The following LRCH1 variants were observed in gnomAD, a reference collection of about 807,000 sequenced individuals.
LRCH1 encodes the protein leucine-rich repeat and calponin homology domain-containing protein 1.
In LRCH1, 23 loss-of-function variants were observed where a neutral mutation model predicts 94.9. That is an observed-to-expected ratio of 0.24 (90% CI 0.17 to 0.34). The LOEUF (loss-of-function observed/expected upper bound fraction) is 0.34, where lower values mean the gene tolerates loss of function less well. Ranked by LOEUF, LRCH1 falls within the 10% of genes least tolerant of loss-of-function variation. The pLI is 1.00. For missense variants in LRCH1, 790 were observed against 945.9 expected, an observed-to-expected ratio of 0.84 and a Z score of 2.16; for synonymous variants, 364 against 354.9, an observed-to-expected ratio of 1.03 and a Z score of -0.29.
Position 46,742,548 on chromosome 13 carries a change from C to T in LRCH1, c.*700C>T, listed in dbSNP as rs557821624. 3 of 985,546 alleles carry T rather than the reference C, an allele frequency of 3.0e-6. No homozygotes were observed. The highest frequency in any genetic ancestry group is 6.1e-5 in the Admixed American group (1 of 16,294). 61.1% of individuals were successfully genotyped at this position (985,546 alleles called of 1,614,324 possible). A position where few individuals can be genotyped will look rare whatever the true frequency, so the allele number is the denominator to read the frequency against. On this transcript the variant is annotated 3_prime_UTR_variant, in exon 20 of 20. Coordinates refer to ENST00000389797, the MANE Select transcript of LRCH1 (RefSeq NM_001164211.2). ...AAGGGCGCTCAAGGGAAGGAAGTGT[C>T]GTTGCTGTTAGAGCCTCACGTGGAG... is the stretch of plus-strand genomic sequence containing the variant.
At chr13:46,596,657 T>C (rs932864011) in intron 1 of LRCH1, among the ~76,000 whole-genome samples, 1 of 152,202 alleles carries the variant, frequency 6.6e-6, no homozygotes, top group Admixed American at 6.5e-5. Flanking sequence ...AAGGCATGAA[T>C]AGACAAAGGG....
At chr13:46,727,678 G>A (rs1872889103) in intron 17 of LRCH1, among the ~76,000 whole-genome samples, 2 of 152,232 alleles carry the variant, frequency 1.3e-5, no homozygotes, top group South Asian at 4.1e-4. Flanking sequence ...GGATCCTTGT[G>A]CTGGTGGGAA....
In LRCH1 at chr13:46,712,583, T is replaced by G. The variant is rs753153910; in HGVS notation, c.1640T>G (p.Leu547Arg). The change falls in exon 15 of 20, where the codon CTG becomes CGG. Residue 547 changes from leucine to arginine, a missense_variant. Physicochemically the swap from Leu to Arg is moderately radical, Grantham distance 102. Transcript: ENST00000389797. ...PTTNSTAPFGLKPRSDPALIL... is the reference protein window; with the variant it reads ...PTTNSTAPFGRKPRSDPALIL... The stretch of plus-strand genomic sequence containing the variant: ...ACAAACAGCACAGCTCCATTTGGCC[T>G]GAAGCCTCGATCAGGTAAATGAAAA... 1.2e-6 allele frequency: 2 copies of G among 1,613,854 alleles called. No homozygotes were observed. The highest frequency in any genetic ancestry group is 1.7e-6 in the Non-Finnish European group (2 of 1,179,748).
At position 46,744,258 on chromosome 13, in the gene LRCH1, A is replaced by C. The variant is rs941455801; in HGVS notation, c.*2410A>C. 21 of 985,082 alleles carry C rather than the reference A, an allele frequency of 2.1e-5. No individual in the cohort carries two copies. The highest frequency in any genetic ancestry group is 6.2e-5 in the Admixed American group (1 of 16,246). The allele number at this position is 985,082 out of a possible 1,614,324, so 61.0% of individuals were successfully genotyped here. A position where few individuals can be genotyped will look rare whatever the true frequency, so the allele number is the denominator to read the frequency against. ...AGTCAGGGATGTCACTGAGTGGTTT[A>C]TTGTGCTGACCAAATCTCCTCCTCA... On this transcript the variant is annotated 3_prime_UTR_variant, in exon 20 of 20. Transcript: ENST00000389797.
chr13:46,641,559 G>A (rs1330122414), intron 1 of LRCH1, among the ~76,000 whole-genome samples: 3 of 152,182 alleles, frequency 2.0e-5, no homozygotes. Flanking sequence ...GTCTTCCTCT[G>A]TGGAACTGGT....
chr13:46,655,118 TTGATAGTGATGG>T (rs145407561), intron 2 of LRCH1, among the ~76,000 whole-genome samples: 9,950 of 152,190 alleles, frequency 0.065, 418 homozygotes, highest in East Asian at 0.21. Flanking sequence ...CCATAAATAT[TTGATAGTGATGG>T]TGATAGTGAT....
intron 3 of LRCH1, among the ~76,000 whole-genome samples, chr13:46,673,476 A>G (rs955617250): frequency 2.7e-5 from 4 of 146,024 alleles, no homozygotes; most frequent in Non-Finnish European, 6.0e-5. Context: ...ATAGGTAACC[A>G]TATCATTATT....
chr13:46,598,591 C>A (rs9534434), intron 1 of LRCH1, among the ~76,000 whole-genome samples: 20,053 of 93,854 alleles, frequency 0.21, 1,674 homozygotes, highest in East Asian at 0.42. Context: ...CCACTAACAA[C>A]AACAAAAAAA....
intron 1 of LRCH1, among the ~76,000 whole-genome samples, chr13:46,559,584 G>T (rs982233985): frequency 6.6e-6 from 1 of 152,200 alleles, no homozygotes; most frequent in Non-Finnish European, 1.5e-5. Context: ...AAACCTACAT[G>T]CTATTCTCAT....
intron 1 of LRCH1, among the ~76,000 whole-genome samples, chr13:46,645,618 A>G (rs1425059627): frequency 6.6e-6 from 1 of 152,224 alleles, no homozygotes; most frequent in East Asian, 1.9e-4. Context: ...CTATTCAGAA[A>G]CAGAGGTCTA....
At chr13:46,623,014 T>G (rs746425514) in intron 1 of LRCH1, among the ~76,000 whole-genome samples, 1 of 152,184 alleles carries the variant, frequency 6.6e-6, no homozygotes, top group African/African-American at 2.4e-5. Context: ...CACTGGCACA[T>G]GTCCCAGAGT....
chr13:46,703,208 A>C (rs1871577801), intron 11 of LRCH1, among the ~76,000 whole-genome samples: 1 of 152,248 alleles, frequency 6.6e-6, no homozygotes, highest in African/African-American at 2.4e-5. Flanking sequence ...ACATGTAGGC[A>C]TGTGCACCCG....
At chr13:46,707,833 C>A (rs1465322682) in intron 13 of LRCH1, among the ~76,000 whole-genome samples, 1 of 152,164 alleles carries the variant, frequency 6.6e-6, no homozygotes, top group African/African-American at 2.4e-5. Flanking sequence ...ATGTGTCAAG[C>A]ACCACTCTGG....
chr13:46,695,212 C>G (rs1871119307), intron 9 of LRCH1, among the ~76,000 whole-genome samples, 195 bp downstream of exon 9: 1 of 152,176 alleles, frequency 6.6e-6, no homozygotes, highest in South Asian at 2.1e-4. Flanking sequence ...CTGTGTGCCT[C>G]TCCATTTGTC....
intron 10 of LRCH1, among the ~76,000 whole-genome samples, chr13:46,699,940 G>A (rs924693972): frequency 6.6e-6 from 1 of 152,144 alleles, no homozygotes; most frequent in Non-Finnish European, 1.5e-5. Flanking sequence ...TTCTTGTCCC[G>A]CATTTCACAG....
At chr13:46,712,421 A>G in intron 14 of LRCH1, 104 bp from the exon 15 acceptor site, 1 of 867,724 alleles carries the variant, frequency 1.2e-6, no homozygotes, top group Non-Finnish European at 1.8e-6. Flanking sequence ...GCGAATGCAA[A>G]AAGGGAGTAG....
In LRCH1 at chr13:46,698,982, A is replaced by G. The variant is rs565563405; in HGVS notation, c.1246-354A>G. Among the ~76,000 whole-genome samples, 240 of 152,356 alleles carry G rather than the reference A, an allele frequency of 1.6e-3. 1 individual carries two copies. The highest frequency in any genetic ancestry group is 2.7e-3 in the Non-Finnish European group (181 of 68,022). ...TTCCTTCCCGGCAGCCCCTGGCAGC[A>G]AGCATTCTGCTTTCTGTCTGGATGA... On this transcript the variant is annotated intron_variant, in intron 9 of 19. Coordinates refer to ENST00000389797, the MANE Select transcript of LRCH1 (RefSeq NM_001164211.2).
intron 1 of LRCH1, among the ~76,000 whole-genome samples, chr13:46,564,362 G>A (rs903748400): frequency 8.5e-5 from 13 of 152,204 alleles, no homozygotes; most frequent in Admixed American, 8.5e-4. Flanking sequence ...ATTAATGGTG[G>A]TTTCTTATTG....
chr13:46,559,996 A>T (rs1446408773), intron 1 of LRCH1, among the ~76,000 whole-genome samples: 1 of 152,138 alleles, frequency 6.6e-6, no homozygotes, highest in Non-Finnish European at 1.5e-5. Context: ...GTTGACGTCG[A>T]TTAATTCAGA....
Sources: allele counts gnomAD v4.1 joint callset (sites outside exome capture counted in the v4.1 genomes callset), GRCh38; gene constraint gnomAD v4.1.1; transcripts MANE v1.5; gene names NCBI Gene and HGNC (gene_info 2026-07-23, HGNC 2026-07-21).